Variants in SUSD4 observed in about 807,000 individuals in gnomAD.
SUSD4 encodes the protein sushi domain containing 4, also known as sushi domain-containing protein 4.
Under a neutral mutation model 50.5 loss-of-function variants are expected in SUSD4, and 41 were observed. That is an observed-to-expected ratio of 0.81 (90% confidence interval 0.63 to 1.05). The LOEUF (loss-of-function observed/expected upper bound fraction) is 1.05, where lower values mean the gene tolerates loss of function less well. SUSD4 is among the 50% of genes least tolerant of loss of function. SUSD4 has a pLI of 0.00. For synonymous variants in SUSD4, 257 were observed against 257.3 expected, an observed-to-expected ratio of 1.00 and a Z score of 0.01; for missense variants, 580 against 634.7, an observed-to-expected ratio of 0.91 and a Z score of 0.93.
chr1:223,309,367 CA>C (rs1465947448), intron 2 of SUSD4, among the ~76,000 whole-genome samples: 2 of 152,140 alleles, frequency 1.3e-5, no homozygotes, highest in Non-Finnish European at 2.9e-5. Flanking sequence ...TCTTTGTTAG[CA>C]GAAGAAAGCT....
At position 223,341,347 on chromosome 1, in the gene SUSD4, C is replaced by T. The variant is rs577717781; in HGVS notation, c.148+21931G>A. On this transcript the variant is annotated intron_variant, in intron 2 of 8. Coordinates refer to ENST00000366878, the MANE Select transcript of SUSD4 (RefSeq NM_017982.4). ...GCGGGCAGCCTCCACCAGAGCATAG[C>T]GGACAGCTTAAAAATAGCAAAGCCA... Among the ~76,000 whole-genome samples the T allele has an allele frequency of 3.3e-4, 50 of 152,324 alleles. 1 individual carries two copies. The highest frequency in any genetic ancestry group is 1.1e-3 in the African/African-American group (44 of 41,568).
chr1:223,322,641 G>A (rs1666642879), intron 2 of SUSD4, among the ~76,000 whole-genome samples: 1 of 152,148 alleles, frequency 6.6e-6, no homozygotes, highest in African/African-American at 2.4e-5. Flanking sequence ...TGGTGAGTGT[G>A]TGGTGTGTGC....
intron 2 of SUSD4, among the ~76,000 whole-genome samples, chr1:223,353,848 C>G (rs1264089549): frequency 2.0e-5 from 3 of 152,014 alleles, no homozygotes; most frequent in Non-Finnish European, 4.4e-5. Flanking sequence ...CAAAGCCACT[C>G]ATGGCCACAC....
chr1:223,229,260 T>C lies in SUSD4; in HGVS notation c.853A>G (p.Lys285Glu). Reference protein sequence around the residue: ...DPGYSLTSDYKYITCQYGEWF... With the variant: ...DPGYSLTSDYEYITCQYGEWF... ...TCTCCATACTGGCAGGTGATGTACT[T>C]GTAGTCGCTGGTGAGGCTGTAGCCA... is the stretch of plus-strand genomic sequence containing the variant. Residue 285 changes from lysine (K) to glutamate (E), a missense_variant, in exon 6 of 9, where the codon AAG becomes GAG. Physicochemically the swap from Lys to Glu is moderately conservative, Grantham distance 56. Coordinates refer to ENST00000366878, the MANE Select transcript of SUSD4 (RefSeq NM_017982.4). The surrounding 1 kb of genome is among the most constrained non-coding windows in gnomAD (Gnocchi z 4.7). 1 of 1,613,060 alleles carries C rather than the reference T, an allele frequency of 6.2e-7. No individual in the cohort carries two copies. The highest frequency in any genetic ancestry group is 8.5e-7 in the Non-Finnish European group (1 of 1,179,124).
At position 223,223,683 on chromosome 1, in the gene SUSD4, T is replaced by C. The variant is rs770405327; in HGVS notation, c.1062-52A>G. On this transcript the variant is annotated intron_variant, in intron 7 of 8. Coordinates refer to ENST00000366878, the MANE Select transcript of SUSD4 (RefSeq NM_017982.4). Reference sequence around the variant, plus strand: ...TGTGAGAGCCATGCCACTCTGGGGATGAGGCCACCCATACTCCCTCCTGCA... The same window carrying C: ...TGTGAGAGCCATGCCACTCTGGGGACGAGGCCACCCATACTCCCTCCTGCA... 1.0e-5 allele frequency: 16 copies of C among 1,535,886 alleles called. No individual in the cohort carries two copies. The Admixed American group carries it at 2.8e-4, about 27-fold the overall frequency.
Position 223,221,865 on chromosome 1 carries a change from G to C in SUSD4, c.*327C>G, listed in dbSNP as rs959080944. 3.7e-6 allele frequency: 1 copy of C among 269,672 alleles called. No individual in the cohort carries two copies. Among genetic ancestry groups the C allele is most frequent in the African/African-American group, 2.2e-5 (1 of 45,536 alleles). The allele number at this position is 269,672 out of a possible 1,614,324, so 16.7% of individuals were successfully genotyped here. A position where few individuals can be genotyped will look rare whatever the true frequency, so the allele number is the denominator to read the frequency against. ...GAGTACTTGCCAGTCAATGGGATGC[G>C]TGATGATTCGGTGGGATGTGCGTGG... On this transcript the variant is annotated 3_prime_UTR_variant, in exon 9 of 9. Coordinates refer to ENST00000366878, the MANE Select transcript of SUSD4 (RefSeq NM_017982.4).
chr1:223,254,532 G>C (rs1423059303), intron 5 of SUSD4, among the ~76,000 whole-genome samples: 2 of 152,094 alleles, frequency 1.3e-5, no homozygotes, highest in Non-Finnish European at 2.9e-5. Flanking sequence ...GAGAGGATGA[G>C]GACCATCTAT....
intron 2 of SUSD4, among the ~76,000 whole-genome samples, chr1:223,333,614 A>C (rs1470511155): frequency 6.6e-6 from 1 of 152,192 alleles, no homozygotes; most frequent in African/African-American, 2.4e-5. Flanking sequence ...GAAGTAGATA[A>C]AGGAGTGAGC....
At chr1:223,234,575 G>A (rs999691632) in intron 5 of SUSD4, among the ~76,000 whole-genome samples, 5 of 152,186 alleles carry the variant, frequency 3.3e-5, no homozygotes, top group Admixed American at 3.3e-4. Flanking sequence ...AACCAGAGGT[G>A]GTTCCCTGTC....
chr1:223,252,236 A>AATAT (rs1193229922), intron 5 of SUSD4, among the ~76,000 whole-genome samples: 86 of 89,684 alleles, frequency 9.6e-4, no homozygotes, highest in East Asian at 4.4e-3. Context: ...AAAAAAAAAA[A>AATAT]ATATATATAT....
chr1:223,229,570 G>A lies in SUSD4; in HGVS notation c.725-182C>T. On this transcript the variant is annotated intron_variant, in intron 5 of 8. Transcript: ENST00000366878. The surrounding 1 kb of genome is among the most constrained non-coding windows in gnomAD (Gnocchi z 4.7). ...GTATTTCATGGAAGGCGGAATGGAA[G>A]CCTGCTGTAATATTCTGAGCACGTG... The A allele has an allele frequency of 1.8e-6, 1 of 567,584 alleles. No individual in the cohort carries two copies. The highest frequency in any genetic ancestry group is 3.0e-6 in the Non-Finnish European group (1 of 332,064). 35.2% of individuals were successfully genotyped at this position (567,584 alleles called of 1,614,324 possible). A position where few individuals can be genotyped will look rare whatever the true frequency, so the allele number is the denominator to read the frequency against.
intron 5 of SUSD4, among the ~76,000 whole-genome samples, chr1:223,235,485 C>T (rs376654852): frequency 2.6e-5 from 4 of 151,934 alleles, no homozygotes; most frequent in East Asian, 1.9e-4. Context: ...AGTTTCATTG[C>T]CCCCCCAAAT....
chr1:223,344,493 C>G (rs1201983345), intron 2 of SUSD4, among the ~76,000 whole-genome samples: 1 of 152,124 alleles, frequency 6.6e-6, no homozygotes, highest in Non-Finnish European at 1.5e-5. Flanking sequence ...TTATTTGTAG[C>G]TAAGGGAAGA....
intron 2 of SUSD4, among the ~76,000 whole-genome samples, chr1:223,340,714 C>A (rs1373306313): frequency 6.6e-6 from 1 of 152,174 alleles, no homozygotes; most frequent in Admixed American, 6.5e-5. Flanking sequence ...AAATGTGTCC[C>A]TTCTCAGCCC....
chr1:223,351,669 G>C (rs116444846), intron 2 of SUSD4, among the ~76,000 whole-genome samples: 2 of 152,152 alleles, frequency 1.3e-5, no homozygotes, highest in Admixed American at 6.5e-5. Context: ...TAGAGTCAAT[G>C]AATGGGGTCA....
chr1:223,322,010 A>C (rs1453378286), intron 2 of SUSD4, among the ~76,000 whole-genome samples: 1 of 152,144 alleles, frequency 6.6e-6, no homozygotes, highest in African/African-American at 2.4e-5. Flanking sequence ...AAAATCCAAA[A>C]CCCAGAACAC....
At chr1:223,265,776 T>C (rs551688469) in intron 4 of SUSD4, among the ~76,000 whole-genome samples, 2 of 152,342 alleles carry the variant, frequency 1.3e-5, no homozygotes, top group South Asian at 4.1e-4. Context: ...GCATTTCTTA[T>C]TGCTTCAGCA....
intron 2 of SUSD4, among the ~76,000 whole-genome samples, chr1:223,318,763 A>G (rs1368491430): frequency 2.0e-5 from 3 of 151,062 alleles, no homozygotes; most frequent in Non-Finnish European, 4.4e-5. Flanking sequence ...CATCCCCATC[A>G]AGCTACCAAT....
At chr1:223,285,125 A>G (rs1664051600) in intron 3 of SUSD4, among the ~76,000 whole-genome samples, 2 of 152,210 alleles carry the variant, frequency 1.3e-5, no homozygotes, top group Non-Finnish European at 2.9e-5. Flanking sequence ...TATCCCATGA[A>G]TATGTATAAT....
Sources: gnomAD v4.1 joint callset for allele counts (sites outside exome capture counted in the v4.1 genomes callset) on GRCh38, gnomAD v4.1.1 for gene constraint, Gnocchi (gnomAD v3.1) non-coding constraint, MANE v1.5 for transcripts, NCBI Gene and HGNC (gene_info 2026-07-23, HGNC 2026-07-21) for gene names.